Variants in HERC3 observed in about 807,000 individuals in gnomAD.
The protein encoded by HERC3 is HECT and RLD domain containing E3 ubiquitin protein ligase 3, also known as probable E3 ubiquitin-protein ligase HERC3.
Under a neutral mutation model 129.9 loss-of-function variants are expected in HERC3, and 58 were observed. The observed-to-expected ratio is 0.45, with a 90% CI of 0.36 to 0.56. The LOEUF is 0.56. Among genes scored for constraint, HERC3 ranks in the 20% least tolerant of loss-of-function variants. The probability of loss-of-function intolerance (pLI) is 0.00; values close to 1 mark genes in which losing one functional copy is unlikely to be tolerated. For missense variants in HERC3, 835 were observed against 1,244.2 expected, an observed-to-expected ratio of 0.67 and a Z score of 4.95; for synonymous variants, 430 against 451.0, an observed-to-expected ratio of 0.95 and a Z score of 0.59.
rs1452411369 is a variant in HERC3 at position 88,653,162 on chromosome 4, T to TA, written c.685+73dup. ...ATTTAACACATGCTTCTTGAGGATCTACTATGTGCTAGCCCCATGTGAGAT... is the reference window on the plus strand; with the variant it reads ...ATTTAACACATGCTTCTTGAGGATCTAACTATGTGCTAGCCCCATGTGAGAT... On this transcript the variant is annotated intron_variant, in intron 6 of 25. Coordinates refer to ENST00000402738, the MANE Select transcript of HERC3 (RefSeq NM_014606.3). 2.1e-6 allele frequency: 3 copies of TA among 1,413,194 alleles called. No individual in the cohort carries two copies. The African/African-American group carries it at 4.2e-5, about 20-fold the overall frequency. The allele number at this position is 1,413,194 out of a possible 1,614,324, so 87.5% of individuals were successfully genotyped here. A position where few individuals can be genotyped will look rare whatever the true frequency, so the allele number is the denominator to read the frequency against.
the HERC3 span, among the ~76,000 whole-genome samples, chr4:88,552,847 C>T: frequency 2.6e-4 from 39 of 152,006 alleles, 1 homozygote; most frequent in South Asian, 7.9e-3. Context: ...CTAATGGGCC[C>T]TGTTGTTTCA....
At position 88,682,300 on chromosome 4, in the gene HERC3, T is replaced by A. The variant is rs540199693; in HGVS notation, c.2507+975T>A. ...CAAAGTAGTAGAGCCACATTTTTTT[T>A]ATATTTATATTTATTTTCATTTTAT... On this transcript the variant is annotated intron_variant, in intron 21 of 25. Transcript: ENST00000402738. Among the ~76,000 whole-genome samples, 10 of 152,192 alleles carry A rather than the reference T, an allele frequency of 6.6e-5. No individual in the cohort carries two copies. In the South Asian group the frequency reaches 8.3e-4, roughly 13 times the overall value.
At chr4:88,634,760 G>A (rs1331905821) in intron 3 of HERC3, among the ~76,000 whole-genome samples, 1 of 150,728 alleles carries the variant, frequency 6.6e-6, no homozygotes, top group South Asian at 2.1e-4. Flanking sequence ...CTGGCATCAG[G>A]TCAGTGCCCC....
intron 23 of HERC3, chr4:88,693,446 A>AG: frequency 1.2e-5 from 12 of 970,824 alleles, no homozygotes; most frequent in Non-Finnish European, 1.5e-5. Flanking sequence ...TTAAAAAAAA[A>AG]GTTGCATTTC....
chr4:88,625,131 A>G (rs1725954557), intron 3 of HERC3, among the ~76,000 whole-genome samples: 1 of 152,158 alleles, frequency 6.6e-6, no homozygotes, highest in Non-Finnish European at 1.5e-5. Context: ...TGCAGATAGT[A>G]TAAATTCTAC....
chr4:88,614,308 C>T (rs898077899), intron 3 of HERC3, among the ~76,000 whole-genome samples: 1 of 152,066 alleles, frequency 6.6e-6, no homozygotes, highest in African/African-American at 2.4e-5. Flanking sequence ...GAGTTTGAGT[C>T]TTGCTTAGGT....
chr4:88,635,596 A>C (rs1727290956), intron 3 of HERC3, among the ~76,000 whole-genome samples: 1 of 152,210 alleles, frequency 6.6e-6, no homozygotes, highest in Admixed American at 6.5e-5. Context: ...ATTATCCAGG[A>C]GAACTTTCCT....
At chr4:88,664,665 A>T (rs1730854383) in intron 12 of HERC3, among the ~76,000 whole-genome samples, 1 of 152,156 alleles carries the variant, frequency 6.6e-6, no homozygotes, top group South Asian at 2.1e-4. Flanking sequence ...GTATTCTAAG[A>T]TGTGTCATAA....
intron 19 of HERC3, among the ~76,000 whole-genome samples, chr4:88,678,464 G>A (rs10516819): frequency 0.14 from 21,394 of 152,130 alleles, 1,680 homozygotes; most frequent in East Asian, 0.2. Flanking sequence ...TATCATTTAG[G>A]AAGATTGTAG....
At chr4:88,547,734 C>T in the HERC3 span, among the ~76,000 whole-genome samples, 1 of 152,222 alleles carries the variant, frequency 6.6e-6, no homozygotes, top group Non-Finnish European at 1.5e-5. Context: ...TGGCTAACTG[C>T]AACCTGCACC....
chr4:88,554,497 G>A, the HERC3 span, among the ~76,000 whole-genome samples: 63 of 152,272 alleles, frequency 4.1e-4, no homozygotes, highest in East Asian at 0.012. Flanking sequence ...AATCAGAGTT[G>A]GGCTTTAAAC....
chr4:88,705,410 C>T (rs1735694601), intron 25 of HERC3, among the ~76,000 whole-genome samples: 1 of 152,172 alleles, frequency 6.6e-6, no homozygotes, highest in Admixed American at 6.5e-5. Flanking sequence ...AACTAACACA[C>T]AGTCAATTGT....
At chr4:88,695,017 T>A (rs1578336608) in intron 23 of HERC3, among the ~76,000 whole-genome samples, 2 of 152,310 alleles carry the variant, frequency 1.3e-5, no homozygotes, top group East Asian at 3.9e-4. Context: ...CTTAGTTGTG[T>A]TTCAATCGTT....
intron 5 of HERC3, 54 bp downstream of exon 5, chr4:88,652,142 C>T (rs1729357264): frequency 7.5e-7 from 1 of 1,329,274 alleles, no homozygotes; most frequent in Admixed American, 1.7e-5. Flanking sequence ...AAACATTTCT[C>T]TTTGTCTTTT....
chr4:88,687,174 G>T (rs537002574), intron 22 of HERC3, 43 bp from the exon 23 acceptor site: 1 of 1,470,506 alleles, frequency 6.8e-7, no homozygotes, highest in East Asian at 2.3e-5. Flanking sequence ...AAGATGAATG[G>T]TTAACAAAAT....
At chr4:88,588,993 T>C (rs965742955), upstream of HERC3, among the ~76,000 whole-genome samples, 2 of 152,102 alleles carry the variant, frequency 1.3e-5, no homozygotes, top group Non-Finnish European at 2.9e-5. Context: ...TGCTTGAGTC[T>C]AGGAGTTTGA....
At chr4:88,527,322 G>C in the HERC3 span, 1 of 150,290 alleles carries the variant, frequency 6.7e-6, no homozygotes, top group Non-Finnish European at 1.5e-5. Context: ...CTCCATCATA[G>C]CTGACTGCAG....
the HERC3 span, among the ~76,000 whole-genome samples, chr4:88,583,444 A>G: frequency 6.6e-6 from 1 of 152,078 alleles, no homozygotes; most frequent in African/African-American, 2.4e-5. Flanking sequence ...CTTCTCAAAA[A>G]AAAAAAAAGT....
chr4:88,687,131 C>T (rs1017648465), intron 22 of HERC3, 86 bp from the exon 23 acceptor site: 17 of 973,152 alleles, frequency 1.7e-5, no homozygotes, highest in Non-Finnish European at 2.7e-5. Context: ...TACATTTGTT[C>T]CTAAAGCCTC....
Sources: allele counts gnomAD v4.1 joint callset (sites outside exome capture counted in the v4.1 genomes callset), GRCh38; gene constraint gnomAD v4.1.1; transcripts MANE v1.5; gene names NCBI Gene and HGNC (gene_info 2026-07-23, HGNC 2026-07-21).